The following DOCK1 variants were observed in gnomAD, a reference collection of about 807,000 sequenced individuals.
The protein encoded by DOCK1 is dedicator of cytokinesis protein 1.
In DOCK1, 138 loss-of-function variants were observed where a neutral mutation model predicts 262.7. The observed-to-expected ratio is 0.53, with a 90% CI of 0.46 to 0.61. DOCK1 has a LOEUF of 0.61. DOCK1 is among the 20% of genes least tolerant of loss of function. The pLI is 0.00. For synonymous variants in DOCK1, 866 were observed against 867.4 expected, an observed-to-expected ratio of 1.00 and a Z score of 0.03; for missense variants, 1,908 against 2,370.7, an observed-to-expected ratio of 0.80 and a Z score of 4.05.
intron 10 of DOCK1, among the ~76,000 whole-genome samples, chr10:127,003,097 C>A (rs1178599465): frequency 6.6e-6 from 1 of 152,052 alleles, no homozygotes; most frequent in Non-Finnish European, 1.5e-5. Context: ...CCTGTGTGAA[C>A]CTGTGTGAAC....
intron 21 of DOCK1, among the ~76,000 whole-genome samples, chr10:127,044,044 C>T (rs930199905): frequency 6.6e-6 from 1 of 152,014 alleles, no homozygotes; most frequent in African/African-American, 2.4e-5. Context: ...GGCATTTATT[C>T]AGACTTTTTA....
At chr10:127,182,759 C>T (rs2055854496) in intron 27 of DOCK1, among the ~76,000 whole-genome samples, 1 of 152,208 alleles carries the variant, frequency 6.6e-6, no homozygotes, top group South Asian at 2.1e-4. Flanking sequence ...GTAAAAGGAA[C>T]TAATTTCCCT....
chr10:127,047,407 TA>T (rs2044422242), intron 21 of DOCK1, among the ~76,000 whole-genome samples: 1 of 152,260 alleles, frequency 6.6e-6, no homozygotes. Context: ...TGGAGATATC[TA>T]CTGTGCCAGC....
At chr10:127,077,421 C>T (rs969783193) in intron 23 of DOCK1, among the ~76,000 whole-genome samples, 1 of 152,058 alleles carries the variant, frequency 6.6e-6, no homozygotes, top group African/African-American at 2.4e-5. Flanking sequence ...AAGTTCTTAC[C>T]AAGAAAGCAG....
At chr10:127,351,361 GAGAAAATGGGCAC>G (rs1361379270) in intron 31 of DOCK1, among the ~76,000 whole-genome samples, 1 of 152,168 alleles carries the variant, frequency 6.6e-6, no homozygotes, top group East Asian at 1.9e-4. Flanking sequence ...AGCTCTTATT[GAGAAAATGGGCAC>G]AGAAATGTCA....
intron 31 of DOCK1, chr10:127,344,130 C>A: frequency 6.0e-6 from 1 of 167,510 alleles, no homozygotes; most frequent in Non-Finnish European, 1.3e-5. Flanking sequence ...TGTTGAACAG[C>A]TCACTGGGGA....
chr10:127,373,905 TACAGAG>T (rs1315219460), intron 34 of DOCK1, 39 bp downstream of exon 34: 57 of 1,576,790 alleles, frequency 3.6e-5, no homozygotes, highest in Non-Finnish European at 4.7e-5. Flanking sequence ...GTCTGAGAGA[TACAGAG>T]ACAGAGAGAC....
intron 17 of DOCK1, 21 bp from the exon 18 acceptor site, chr10:127,032,116 A>G: frequency 3.2e-6 from 5 of 1,572,796 alleles, no homozygotes; most frequent in Non-Finnish European, 4.3e-6. Flanking sequence ...CCTTTGACAT[A>G]CGGCATGACT....
Position 127,018,957 on chromosome 10 carries a change from GA to G in DOCK1, c.1327+123del, listed in dbSNP as rs1004542182. On this transcript the variant is annotated intron_variant, in intron 13 of 51. Transcript: ENST00000623213. ...GGAAAGGGCTCAGCTCCTGGTAGGT[GA>G]CCCTGTAAGCCCCAGCATGGTTATG... 13 of 1,412,864 alleles carry G rather than the reference GA, an allele frequency of 9.2e-6. No homozygotes were observed. The African/African-American group carries it at 1.2e-4, about 13-fold the overall frequency. The allele number at this position is 1,412,864 out of a possible 1,614,324, so 87.5% of individuals were successfully genotyped here. A position where few individuals can be genotyped will look rare whatever the true frequency, so the allele number is the denominator to read the frequency against.
At chr10:127,076,903 C>T (rs2046595443) in intron 23 of DOCK1, among the ~76,000 whole-genome samples, 1 of 152,198 alleles carries the variant, frequency 6.6e-6, no homozygotes, top group Non-Finnish European at 1.5e-5. Flanking sequence ...TGGCATTTTG[C>T]TCCTGCCTTC....
intron 26 of DOCK1, among the ~76,000 whole-genome samples, chr10:127,126,668 C>A (rs550989968): frequency 6.6e-6 from 1 of 152,178 alleles, no homozygotes; most frequent in African/African-American, 2.4e-5. Flanking sequence ...TTGGAGCACA[C>A]ACATGATGCT....
chr10:127,208,405 C>T (rs1346520781), intron 27 of DOCK1, among the ~76,000 whole-genome samples: 1 of 152,112 alleles, frequency 6.6e-6, no homozygotes, highest in Non-Finnish European at 1.5e-5. Context: ...AGTATCTTTG[C>T]TGTAGGGTTT....
chr10:126,980,450 C>A (rs763682652), intron 3 of DOCK1, among the ~76,000 whole-genome samples: 34 of 152,198 alleles, frequency 2.2e-4, no homozygotes, highest in Non-Finnish European at 4.0e-4. Flanking sequence ...GTGATCCTCT[C>A]ACCTTGGCTT....
chr10:127,173,219 G>A (rs758418679), intron 27 of DOCK1, among the ~76,000 whole-genome samples: 1 of 150,494 alleles, frequency 6.6e-6, no homozygotes, highest in African/African-American at 2.4e-5. Context: ...CACATTAGAA[G>A]GTCACCCCAT....
intron 30 of DOCK1, among the ~76,000 whole-genome samples, chr10:127,343,149 G>T (rs928074393): frequency 2.0e-5 from 3 of 152,158 alleles, no homozygotes; most frequent in Non-Finnish European, 4.4e-5. Context: ...GGAGGCTGAG[G>T]CAGGAGAATT....
chr10:126,978,978 C>A (rs2038751739), intron 3 of DOCK1, among the ~76,000 whole-genome samples: 1 of 152,160 alleles, frequency 6.6e-6, no homozygotes, highest in East Asian at 1.9e-4. Flanking sequence ...GTCCCTATGG[C>A]AGCCATCCTC....
intron 12 of DOCK1, chr10:127,016,118 T>C (rs907826892): frequency 6.6e-6 from 1 of 152,256 alleles, no homozygotes; most frequent in Non-Finnish European, 1.5e-5. Flanking sequence ...ATGGAGTTAG[T>C]GTTTGACCGT....
chr10:127,299,937 A>G (rs569751060), intron 29 of DOCK1, among the ~76,000 whole-genome samples: 4 of 152,316 alleles, frequency 2.6e-5, no homozygotes, highest in African/African-American at 9.6e-5. Context: ...TATTCCTGCA[A>G]AGTTCCTTAT....
chr10:126,930,746 G>A (rs2034126734), intron 1 of DOCK1, among the ~76,000 whole-genome samples: 2 of 152,236 alleles, frequency 1.3e-5, no homozygotes, highest in East Asian at 1.9e-4. Flanking sequence ...TAGAGACAAA[G>A]CTGCCTGTGC....
Sources: gnomAD v4.1 joint callset for allele counts (sites outside exome capture counted in the v4.1 genomes callset) on GRCh38, gnomAD v4.1.1 for gene constraint, MANE v1.5 for transcripts, NCBI Gene and HGNC (gene_info 2026-07-23, HGNC 2026-07-21) for gene names.